AP1AR: variants seen among roughly 807,000 people sequenced by gnomAD.
The protein encoded by AP1AR is AP-1 complex-associated regulatory protein.
Under a neutral mutation model 46.3 loss-of-function variants are expected in AP1AR, and 29 were observed. The ratio of observed to expected loss-of-function variants is 0.63; its 90% CI spans 0.47 to 0.85. The LOEUF (loss-of-function observed/expected upper bound fraction) is 0.85, where lower values mean the gene tolerates loss of function less well. Among genes scored for constraint, AP1AR ranks in the 40% least tolerant of loss-of-function variants. The pLI, the probability that AP1AR is intolerant of heterozygous loss-of-function variation, is 0.00. For synonymous variants in AP1AR, 122 were observed against 122.9 expected, an observed-to-expected ratio of 0.99 and a Z score of 0.05; for missense variants, 357 against 356.3, an observed-to-expected ratio of 1.00 and a Z score of -0.02.
At chr4:112,232,615 G>C (rs1725064119) in intron 1 of AP1AR, among the ~76,000 whole-genome samples, 1 of 152,200 alleles carries the variant, frequency 6.6e-6, no homozygotes, top group African/African-American at 2.4e-5. Context: ...CGGAGTTAAT[G>C]CCTCAGATTG....
In AP1AR at chr4:112,237,978, G is replaced by A. The variant is rs191947546; in HGVS notation, c.83+5804G>A. On this transcript the variant is annotated intron_variant, in intron 1 of 9. Transcript: ENST00000274000. ...ATATGTATTTTAGGGTTGGCAGGTG[G>A]TATGGTCTGTCACAACTACTGAACT... is the stretch of plus-strand genomic sequence containing the variant. 2.0e-3 allele frequency among the ~76,000 whole-genome samples: 300 copies of A among 150,670 alleles called. 2 individuals are homozygous for A. The highest frequency in any genetic ancestry group is 7.1e-3 in the African/African-American group (294 of 41,548).
intron 3 of AP1AR, among the ~76,000 whole-genome samples, chr4:112,257,018 A>G (rs1195315213): frequency 6.6e-6 from 1 of 152,206 alleles, no homozygotes; most frequent in African/African-American, 2.4e-5. Flanking sequence ...CTCACAGCCA[A>G]TAGCACAAAC....
In AP1AR at chr4:112,268,676, A is replaced by G. The variant is rs912023536; in HGVS notation, c.*267A>G. On this transcript the variant is annotated 3_prime_UTR_variant, in exon 10 of 10. Coordinates refer to ENST00000274000, the MANE Select transcript of AP1AR (RefSeq NM_018569.6). ...TAAATTTACTTTGTCTTGTCTTTAT[A>G]GCATTTCTGTTTACTATGGTAGATT... 3.5e-6 allele frequency: 1 copy of G among 289,150 alleles called. No homozygotes were observed. The highest frequency in any genetic ancestry group is 2.2e-5 in the African/African-American group (1 of 46,018). 17.9% of individuals were successfully genotyped at this position (289,150 alleles called of 1,614,324 possible).
chr4:112,244,119 G>A (rs1725623933), intron 1 of AP1AR, among the ~76,000 whole-genome samples: 1 of 152,146 alleles, frequency 6.6e-6, no homozygotes, highest in South Asian at 2.1e-4. Context: ...AGATGTGTAA[G>A]ACTAGAACAA....
intron 7 of AP1AR, chr4:112,265,308 A>G: frequency 2.5e-6 from 1 of 406,582 alleles, no homozygotes. Flanking sequence ...TATAGATGTG[A>G]TACAATAGCT....
chr4:112,263,380 G>C (rs1726536257), intron 6 of AP1AR, among the ~76,000 whole-genome samples: 1 of 151,480 alleles, frequency 6.6e-6, no homozygotes, highest in African/African-American at 2.4e-5. Context: ...GTATTCTTTT[G>C]GAAAAATTAA....
At chr4:112,254,891 G>T in intron 3 of AP1AR, 118 bp downstream of exon 3, 33 of 501,022 alleles carry the variant, frequency 6.6e-5, no homozygotes, top group South Asian at 3.2e-4. Flanking sequence ...TTTATTTTCT[G>T]GTTTTTATTT....
chr4:112,240,448 A>G (rs1276309801), intron 1 of AP1AR, among the ~76,000 whole-genome samples: 1 of 152,210 alleles, frequency 6.6e-6, no homozygotes, highest in Admixed American at 6.5e-5. Context: ...TATTTGGTTA[A>G]TGCTTGTCTG....
Position 112,231,942 on chromosome 4 carries a change from C to G in AP1AR, c.-150C>G. Reference sequence around the variant, plus strand: ...TCCCTAGCGCCTCGTCTTTCGTCGCCCCGTGCCCTCACGCCGCCGGGCTCT... The same window carrying G: ...TCCCTAGCGCCTCGTCTTTCGTCGCGCCGTGCCCTCACGCCGCCGGGCTCT... On this transcript the variant is annotated 5_prime_UTR_variant, in exon 1 of 10. Coordinates refer to ENST00000274000, the MANE Select transcript of AP1AR (RefSeq NM_018569.6). 3.4e-6 allele frequency: 2 copies of G among 587,284 alleles called. No homozygotes were observed. The highest frequency in any genetic ancestry group is 5.1e-6 in the Non-Finnish European group (2 of 390,104). The allele number at this position is 587,284 out of a possible 1,614,324, so 36.4% of individuals were successfully genotyped here.
At chr4:112,261,906 C>T (rs538820514) in intron 5 of AP1AR, among the ~76,000 whole-genome samples, 1 of 150,488 alleles carries the variant, frequency 6.6e-6, no homozygotes, top group African/African-American at 2.4e-5. Context: ...ATCCTCAAGA[C>T]TATGGGAGGT....
At chr4:112,262,592 T>G (rs1266675644) in intron 5 of AP1AR, among the ~76,000 whole-genome samples, 1 of 152,202 alleles carries the variant, frequency 6.6e-6, no homozygotes, top group African/African-American at 2.4e-5. Context: ...GAAAGCTGAG[T>G]TCACTTTGGT....
chr4:112,261,014 A>G, intron 5 of AP1AR, 152 bp downstream of exon 5: 1 of 460,634 alleles, frequency 2.2e-6, no homozygotes, highest in Non-Finnish European at 3.7e-6. Flanking sequence ...AGCCTATTAT[A>G]ATTTCTTTTA....
At position 112,263,071 on chromosome 4, in the gene AP1AR, GC is replaced by G. The variant is rs767571667; in HGVS notation, c.367del (p.Arg123GlufsTer36). On this transcript the variant is annotated frameshift_variant, in exon 6 of 10. Transcript: ENST00000274000. LOFTEE classifies it high-confidence loss of function. ...GTGAAGCAGCCAGGGCAGCAAAGCA[GC>G]GAAAGCTCTTGGAGGTGAGGGGAAA... ...QREAARAAKQ[R>X]KLLEQERQRI... 4.3e-6 allele frequency: 7 copies of G among 1,613,562 alleles called. No individual in the cohort carries two copies. In the East Asian group the frequency reaches 1.6e-4, roughly 36 times the overall value.
intron 1 of AP1AR, among the ~76,000 whole-genome samples, chr4:112,241,918 C>T (rs985755481): frequency 1.3e-5 from 2 of 151,840 alleles, no homozygotes; most frequent in African/African-American, 4.8e-5. Context: ...TCTTGGGAAG[C>T]TTTTAATTTT....
chr4:112,258,310 C>T lies in AP1AR; in HGVS notation c.185+513C>T, dbSNP rs1726294156. ...TTCATATACAATGTTATATTATGAACAAATAATCCTTACTTTTTTTAGTTT... is the reference window on the plus strand; with the variant it reads ...TTCATATACAATGTTATATTATGAATAAATAATCCTTACTTTTTTTAGTTT... On this transcript the variant is annotated intron_variant, in intron 4 of 9. Transcript: ENST00000274000. Among the ~76,000 whole-genome samples the T allele has an allele frequency of 5.3e-5, 8 of 152,220 alleles. No homozygotes were observed. The South Asian group carries it at 1.7e-3, about 32-fold the overall frequency.
At chr4:112,252,874 C>T in intron 1 of AP1AR, among the ~76,000 whole-genome samples, 1 of 152,072 alleles carries the variant, frequency 6.6e-6, no homozygotes, top group South Asian at 2.1e-4. Context: ...TATTTTTTAA[C>T]GAGGTACTTT....
intron 1 of AP1AR, among the ~76,000 whole-genome samples, chr4:112,246,203 TC>T (rs1725719773): frequency 6.6e-6 from 1 of 152,174 alleles, no homozygotes; most frequent in Non-Finnish European, 1.5e-5. Flanking sequence ...ACTTTTGCTG[TC>T]CCATTAATAT....
chr4:112,237,386 G>A (rs1360700277), intron 1 of AP1AR, among the ~76,000 whole-genome samples: 1 of 152,054 alleles, frequency 6.6e-6, no homozygotes, highest in Non-Finnish European at 1.5e-5. Context: ...GATTACAGGC[G>A]TGAGCCACTG....
At chr4:112,246,471 A>G (rs1265792432) in intron 1 of AP1AR, among the ~76,000 whole-genome samples, 2 of 152,196 alleles carry the variant, frequency 1.3e-5, no homozygotes, top group Non-Finnish European at 2.9e-5. Context: ...ACACCACTGC[A>G]CTCCAGCCTG....
Sources: gnomAD v4.1 joint callset for allele counts (sites outside exome capture counted in the v4.1 genomes callset) on GRCh38, gnomAD v4.1.1 for gene constraint, MANE v1.5 for transcripts, NCBI Gene and HGNC (gene_info 2026-07-23, HGNC 2026-07-21) for gene names.